Variants in SEMA6D observed in about 807,000 individuals in gnomAD.
SEMA6D encodes semaphorin 6D, also known as semaphorin-6D.
SEMA6D carries 35 observed loss-of-function variants against 106.6 expected under a neutral mutation model. The observed-to-expected ratio is 0.33, with a 90% CI of 0.25 to 0.44. The LOEUF (loss-of-function observed/expected upper bound fraction) is 0.44, where lower values mean the gene tolerates loss of function less well. Ranked by LOEUF, SEMA6D falls within the 20% of genes least tolerant of loss-of-function variation. SEMA6D has a pLI of 1.00. For synonymous variants in SEMA6D, 499 were observed against 487.7 expected (o/e 1.02, Z -0.31); for missense variants, 1,185 against 1,345.9 (o/e 0.88, Z 1.87).
chr15:47,230,755 G>GA (rs2032130722), intron 1 of SEMA6D, among the ~76,000 whole-genome samples: 1 of 152,000 alleles, frequency 6.6e-6, no homozygotes, highest in Non-Finnish European at 1.5e-5. Flanking sequence ...AACTGCCTGA[G>GA]AAACACTAGG....
chr15:47,601,118 A>AGAG (rs1555396724), intron 4 of SEMA6D, among the ~76,000 whole-genome samples: 2 of 148,308 alleles, frequency 1.3e-5, no homozygotes, highest in Admixed American at 6.7e-5. Context: ...GAGAGAGAGA[A>AGAG]AGAGAGAGAG....
chr15:47,690,604 C>A (rs1267918056), intron 4 of SEMA6D, among the ~76,000 whole-genome samples: 1 of 152,060 alleles, frequency 6.6e-6, no homozygotes, highest in African/African-American at 2.4e-5. Flanking sequence ...AATAACAAAG[C>A]ATTACCACCT....
chr15:47,750,950 A>C (rs1447887881), intron 1 of SEMA6D, among the ~76,000 whole-genome samples: 2 of 152,160 alleles, frequency 1.3e-5, no homozygotes, highest in Non-Finnish European at 2.9e-5. Flanking sequence ...CACATCAGCC[A>C]AGAGTTACTT....
At chr15:47,577,735 C>T (rs759248998) in intron 3 of SEMA6D, among the ~76,000 whole-genome samples, 2 of 152,202 alleles carry the variant, frequency 1.3e-5, no homozygotes, top group Non-Finnish European at 2.9e-5. Context: ...CATTAGCAGA[C>T]AGTCTGCCGC....
chr15:47,770,652 A>T lies in SEMA6D; in HGVS notation c.2089A>T (p.Ile697Phe). Residue 697 changes from isoleucine to phenylalanine, a missense_variant, in exon 19 of 19, where the codon ATC becomes TTC. By Grantham distance (21) the Ile-to-Phe change is conservative (BLOSUM62 0). Coordinates refer to ENST00000536845, the MANE Select transcript of SEMA6D (RefSeq NM_001358351.3). ...RDMFVRKNRK[I>F]HKDAESAQSC... The stretch of plus-strand genomic sequence containing the variant: ...CATGTTTGTTCGGAAAAACAGAAAG[A>T]TCCATAAAGATGCAGAGTCCGCCCA... 1.9e-6 allele frequency: 3 copies of T among 1,614,062 alleles called. No homozygotes were observed. The highest frequency in any genetic ancestry group is 2.5e-6 in the Non-Finnish European group (3 of 1,179,976).
intron 1 of SEMA6D, among the ~76,000 whole-genome samples, chr15:47,330,912 A>G (rs1297874127): frequency 6.6e-6 from 1 of 152,204 alleles, no homozygotes; most frequent in Non-Finnish European, 1.5e-5. Context: ...TCAAGAATGC[A>G]TACCTGCTTA....
intron 1 of SEMA6D, among the ~76,000 whole-genome samples, chr15:47,748,515 A>G (rs1244059872): frequency 6.6e-6 from 1 of 152,234 alleles, no homozygotes; most frequent in Non-Finnish European, 1.5e-5. Context: ...TTTATACAAT[A>G]TCATAGTATG....
chr15:47,626,885 G>A (rs2077211642), intron 4 of SEMA6D, among the ~76,000 whole-genome samples: 1 of 152,140 alleles, frequency 6.6e-6, no homozygotes, highest in Non-Finnish European at 1.5e-5. Context: ...TGTATGGAAT[G>A]TTCTGAATTT....
rs1307987393 is a variant in SEMA6D, at chr15:47,541,238, G to A, written c.-86-59627G>A. ...ATGCTGTTAGGAAGGCTAGAGTTGG[G>A]ATGAAAGTTTTCCAGAAAGATATTT... On this transcript the variant is annotated intron_variant, in intron 3 of 19. Transcript: ENST00000558014. 2.6e-5 allele frequency among the ~76,000 whole-genome samples: 4 copies of A among 152,254 alleles called. No homozygotes were observed. The East Asian group carries it at 7.7e-4, about 29-fold the overall frequency.
chr15:47,187,801 C>CCT (rs112647459), intron 1 of SEMA6D, among the ~76,000 whole-genome samples: 2 of 151,572 alleles, frequency 1.3e-5, no homozygotes, highest in Non-Finnish European at 2.9e-5. Context: ...CTGTTGAAAA[C>CCT]GTGGGAATTA....
At chr15:47,660,455 AG>A (rs1173836482) in intron 4 of SEMA6D, among the ~76,000 whole-genome samples, 12 of 152,170 alleles carry the variant, frequency 7.9e-5, no homozygotes, top group African/African-American at 2.4e-4. Flanking sequence ...AAAAAATAAG[AG>A]TAGCAAGGTA....
chr15:47,379,946 G>A (rs180797973), intron 1 of SEMA6D, among the ~76,000 whole-genome samples: 96 of 152,068 alleles, frequency 6.3e-4, no homozygotes, highest in Non-Finnish European at 7.1e-4. Flanking sequence ...TAGTAGAGAC[G>A]GGGTTTCTCC....
At chr15:47,369,682 T>C (rs1420502313) in intron 1 of SEMA6D, among the ~76,000 whole-genome samples, 3 of 152,214 alleles carry the variant, frequency 2.0e-5, no homozygotes, top group Admixed American at 1.3e-4. Flanking sequence ...TTGTGTTGGA[T>C]TACCAGCACC....
chr15:47,735,931 A>T (rs575609805), intron 1 of SEMA6D, among the ~76,000 whole-genome samples: 1 of 152,300 alleles, frequency 6.6e-6, no homozygotes, highest in South Asian at 2.1e-4. Context: ...GTTAATGCAG[A>T]TTCTTTTAAA....
At chr15:47,593,117 A>G in intron 3 of SEMA6D, among the ~76,000 whole-genome samples, 1 of 152,296 alleles carries the variant, frequency 6.6e-6, no homozygotes, top group Non-Finnish European at 1.5e-5. Flanking sequence ...AGTCAAAAAA[A>G]GATCTGGCTG....
intron 4 of SEMA6D, among the ~76,000 whole-genome samples, chr15:47,708,591 G>A (rs922742318): frequency 6.6e-5 from 10 of 152,162 alleles, no homozygotes; most frequent in South Asian, 2.1e-4. Context: ...GTCAGGTTGC[G>A]TGCTCTCTCA....
At chr15:47,614,195 A>C (rs2076964456) in intron 4 of SEMA6D, among the ~76,000 whole-genome samples, 1 of 152,160 alleles carries the variant, frequency 6.6e-6, no homozygotes, top group Non-Finnish European at 1.5e-5. Flanking sequence ...CACACACACA[A>C]ACAACCTGCC....
intron 3 of SEMA6D, among the ~76,000 whole-genome samples, chr15:47,517,633 A>G (rs1287914289): frequency 4.6e-5 from 7 of 152,082 alleles, no homozygotes; most frequent in Non-Finnish European, 1.0e-4. Context: ...CACACAGGAA[A>G]TCTTTACCTG....
intron 1 of SEMA6D, chr15:47,241,113 T>C (rs935059906): frequency 9.9e-5 from 15 of 152,204 alleles, no homozygotes; most frequent in African/African-American, 3.6e-4. Flanking sequence ...GGCACTATTA[T>C]CTAGACTTAA....
Sources: gnomAD v4.1 joint callset for allele counts (sites outside exome capture counted in the v4.1 genomes callset) on GRCh38, gnomAD v4.1.1 for gene constraint, MANE v1.5 for transcripts, NCBI Gene and HGNC (gene_info 2026-07-23, HGNC 2026-07-21) for gene names.